Variants in DPYSL2 observed in about 807,000 individuals in gnomAD.
DPYSL2 encodes the protein dihydropyrimidinase like 2.
A neutral mutation model predicts 69.9 loss-of-function variants in DPYSL2; 13 were observed. The observed-to-expected ratio is 0.19, with a 90% confidence interval of 0.12 to 0.30. DPYSL2 has a LOEUF of 0.30. DPYSL2 is among the 10% of genes least tolerant of loss of function. The pLI, the probability that DPYSL2 is intolerant of heterozygous loss-of-function variation, is 1.00. For missense variants in DPYSL2, 587 were observed against 918.9 expected (o/e 0.64, Z 4.67); for synonymous variants, 326 against 359.1 (o/e 0.91, Z 1.04).
Position 26,565,807 on chromosome 8 carries a change from C to G in DPYSL2, c.355-16162C>G, listed in dbSNP as rs1347167858. On this transcript the variant is annotated intron_variant, in intron 1 of 13. Coordinates refer to ENST00000521913, the MANE Select transcript of DPYSL2 (RefSeq NM_001197293.3). This position sits in a 1 kb window ranked among gnomAD's most constrained non-coding sequence, Gnocchi z 4.1. ...CCATGCAATTAACTGGAAAGTCAAACTGCTGGTGGTTCTAACATCTTCAAC... is the reference window on the plus strand; with the variant it reads ...CCATGCAATTAACTGGAAAGTCAAAGTGCTGGTGGTTCTAACATCTTCAAC... Among the ~76,000 whole-genome samples the G allele has an allele frequency of 1.3e-5, 2 of 152,180 alleles. No homozygotes were observed. Among genetic ancestry groups the G allele is most frequent in the Non-Finnish European group, 2.9e-5 (2 of 68,028 alleles).
Position 26,624,267 on chromosome 8 carries a change from G to A in DPYSL2, c.753G>A (p.Lys251=), listed in dbSNP as rs760000083. The A allele has an allele frequency of 6.2e-7, 1 of 1,614,200 alleles. No homozygotes were observed. Among genetic ancestry groups the A allele is most frequent in the Admixed American group, 1.7e-5 (1 of 60,030 alleles). Residue 251 remains lysine (K), a synonymous_variant, in exon 4 of 14, where the codon AAG becomes AAA. Coordinates refer to ENST00000521913, the MANE Select transcript of DPYSL2 (RefSeq NM_001197293.3). This position sits in a 1 kb window ranked among gnomAD's most constrained non-coding sequence, Gnocchi z 4.7. ...ATGTGGACATCAGTGAGTGGCATAAGGGCATCCAGGAGGAGATGGAAGCGC... is the reference window on the plus strand; with the variant it reads ...ATGTGGACATCAGTGAGTGGCATAAAGGCATCCAGGAGGAGATGGAAGCGC... ...SLHVDISEWH[K]GIQEEMEALV...
rs1360934839 is a variant in DPYSL2, at chr8:26,619,440, A to G, written c.629-4703A>G. 3 of 152,224 alleles carry G rather than the reference A, an allele frequency of 2.0e-5. No individual in the cohort carries two copies. Among genetic ancestry groups the G allele is most frequent in the Admixed American group, 6.5e-5 (1 of 15,282 alleles). 9.4% of individuals were successfully genotyped at this position (152,224 alleles called of 1,614,324 possible). ...ATAACCCCCGGAGCTGAATTTGGAT[A>G]TGCAAGGAAGCCATGGGATTGCAGC... is the stretch of plus-strand genomic sequence containing the variant. On this transcript the variant is annotated intron_variant, in intron 3 of 13. Transcript: ENST00000521913. This position sits in a 1 kb window ranked among gnomAD's most constrained non-coding sequence, Gnocchi z 4.8.
intron 7 of DPYSL2, among the ~76,000 whole-genome samples, chr8:26,629,462 C>T (rs1195399949): frequency 6.6e-6 from 1 of 152,214 alleles, no homozygotes; most frequent in Non-Finnish European, 1.5e-5. Context: ...TTTCCTCTCC[C>T]CAGATGACAG....
At position 26,564,867 on chromosome 8, in the gene DPYSL2, C is replaced by T. The variant is rs1289710784; in HGVS notation, c.355-17102C>T. Among the ~76,000 whole-genome samples the T allele has an allele frequency of 6.6e-6, 1 of 152,108 alleles. No homozygotes were observed. The highest frequency in any genetic ancestry group is 2.4e-5 in the African/African-American group (1 of 41,408). On this transcript the variant is annotated intron_variant, in intron 1 of 13. Coordinates refer to ENST00000521913, the MANE Select transcript of DPYSL2 (RefSeq NM_001197293.3). This position sits in a 1 kb window ranked among gnomAD's most constrained non-coding sequence, Gnocchi z 4.8. ...GTCTGAGATTTTAGTGCACCCATCA[C>T]CCAAGGAGTGTACATTGTACCTAAT...
At chr8:26,608,311 T>C (rs1044577784) in intron 3 of DPYSL2, among the ~76,000 whole-genome samples, 1 of 152,200 alleles carries the variant, frequency 6.6e-6, no homozygotes, top group African/African-American at 2.4e-5. Context: ...TAATAGTGAC[T>C]TTTTTTGGAT....
At chr8:26,570,478 T>C (rs557823440) in intron 1 of DPYSL2, among the ~76,000 whole-genome samples, 1 of 152,196 alleles carries the variant, frequency 6.6e-6, no homozygotes, top group Admixed American at 6.5e-5. Flanking sequence ...CGGGGGCTCA[T>C]GCCTGTAATC....
intron 1 of DPYSL2, among the ~76,000 whole-genome samples, chr8:26,549,219 T>TC (rs1188995832): frequency 2.5e-4 from 38 of 149,402 alleles, no homozygotes; most frequent in Middle Eastern, 3.6e-3. Context: ...ATAATAATAA[T>TC]AATAATAATC....
Position 26,597,025 on chromosome 8 carries a change from G to T in DPYSL2, c.628+13042G>T, listed in dbSNP as rs546481451. On this transcript the variant is annotated intron_variant, in intron 3 of 13. Coordinates refer to ENST00000521913, the MANE Select transcript of DPYSL2 (RefSeq NM_001197293.3). The surrounding 1 kb of genome is among the most constrained non-coding windows in gnomAD (Gnocchi z 5.2). ...CCTTCCATCCACCTGTTATTTAAAA[G>T]TACTTTTTCTGTAATATATAGGCAG... is the stretch of plus-strand genomic sequence containing the variant. Among the ~76,000 whole-genome samples, 1 of 152,302 alleles carries T rather than the reference G, an allele frequency of 6.6e-6. No homozygotes were observed. Among genetic ancestry groups the T allele is most frequent in the African/African-American group, 2.4e-5 (1 of 41,542 alleles).
chr8:26,647,516 G>A lies in DPYSL2; in HGVS notation c.1426-114G>A, dbSNP rs1013186892. ...CGGTTTGTGTTTCACTTGGCACAAC[G>A]CTCTTGACATCCATCTAAGCTGTCG... is the stretch of plus-strand genomic sequence containing the variant. On this transcript the variant is annotated intron_variant, in intron 10 of 13. Transcript: ENST00000521913. This position sits in a 1 kb window ranked among gnomAD's most constrained non-coding sequence, Gnocchi z 5.1. The A allele has an allele frequency of 5.3e-5, 61 of 1,144,700 alleles. No homozygotes were observed. Among genetic ancestry groups the A allele is most frequent in the Non-Finnish European group, 6.6e-5 (53 of 806,002 alleles). 70.9% of individuals were successfully genotyped at this position (1,144,700 alleles called of 1,614,324 possible). A position where few individuals can be genotyped will look rare whatever the true frequency, so the allele number is the denominator to read the frequency against.
chr8:26,552,335 A>G (rs1229175723), intron 1 of DPYSL2, among the ~76,000 whole-genome samples: 2 of 152,220 alleles, frequency 1.3e-5, no homozygotes, highest in Non-Finnish European at 2.9e-5. Flanking sequence ...AGGAGACTAG[A>G]CAAAGAAGAG....
chr8:26,547,747 T>G, intron 1 of DPYSL2: 1 of 270,410 alleles, frequency 3.7e-6, no homozygotes, highest in Non-Finnish European at 7.8e-6. Flanking sequence ...CGGGAAGGCC[T>G]GCAAGCAGGC....
At chr8:26,548,713 T>C (rs1453154061) in intron 1 of DPYSL2, among the ~76,000 whole-genome samples, 2 of 151,168 alleles carry the variant, frequency 1.3e-5, no homozygotes, top group East Asian at 3.9e-4. Flanking sequence ...TGAGACCTCC[T>C]CTCTTAAAAA....
intron 1 of DPYSL2, chr8:26,577,215 C>A: frequency 2.4e-6 from 1 of 424,554 alleles, no homozygotes. Flanking sequence ...GCAGCCTCCC[C>A]CCGGCCCGCG....
intron 3 of DPYSL2, among the ~76,000 whole-genome samples, chr8:26,594,450 TCTACCATCTATCTATTTCCCTAC>T (rs1801812709): frequency 6.6e-6 from 1 of 152,178 alleles, no homozygotes; most frequent in South Asian, 2.1e-4. Context: ...GTCTACCAAA[TCTACCATCTATCTATTTCCCTAC>T]CTACCTATCA....
At chr8:26,611,662 A>C (rs1191486568) in intron 3 of DPYSL2, among the ~76,000 whole-genome samples, 2 of 152,188 alleles carry the variant, frequency 1.3e-5, no homozygotes, top group African/African-American at 4.8e-5. Flanking sequence ...TCTCTTGGAG[A>C]AATTCTGCAT....
At chr8:26,600,539 T>G (rs1053383636) in intron 3 of DPYSL2, among the ~76,000 whole-genome samples, 1 of 152,178 alleles carries the variant, frequency 6.6e-6, no homozygotes, top group Non-Finnish European at 1.5e-5. Flanking sequence ...TAGGCTTTAT[T>G]TTGAGGCCCG....
rs187852274 is a variant in DPYSL2, at chr8:26,526,363, G to A, written c.354+11684G>A. Among the ~76,000 whole-genome samples, 701 of 152,304 alleles carry A rather than the reference G, an allele frequency of 4.6e-3. 4 individuals carry two copies. Among genetic ancestry groups the A allele is most frequent in the Middle Eastern group, 6.8e-3 (2 of 294 alleles). The stretch of plus-strand genomic sequence containing the variant: ...CCACCTTGGCCTCCCAAAGTGCTGG[G>A]ATTACAGGAGTGAGCCACCTTGCCA... On this transcript the variant is annotated intron_variant, in intron 1 of 13. Transcript: ENST00000521913.
chr8:26,540,380 T>C (rs11135939), intron 1 of DPYSL2, among the ~76,000 whole-genome samples: 68,866 of 151,970 alleles, frequency 0.45, 16,507 homozygotes, highest in African/African-American at 0.62. Flanking sequence ...CACCATTAAG[T>C]GAACCAATGC....
intron 1 of DPYSL2, among the ~76,000 whole-genome samples, chr8:26,528,005 T>C (rs977729727): frequency 6.6e-6 from 1 of 152,090 alleles, no homozygotes; most frequent in African/African-American, 2.4e-5. Flanking sequence ...GGTTTCACCA[T>C]GTTGGCCAGC....
Sources: allele counts gnomAD v4.1 joint callset (sites outside exome capture counted in the v4.1 genomes callset), GRCh38; gene constraint gnomAD v4.1.1; non-coding constraint Gnocchi (gnomAD v3.1); transcripts MANE v1.5; gene names NCBI Gene and HGNC (gene_info 2026-07-23, HGNC 2026-07-21).